The following DLG2 variants were observed in gnomAD, a reference collection of about 807,000 sequenced individuals.
DLG2 encodes disks large homolog 2.
In DLG2, 45 loss-of-function variants were observed where a neutral mutation model predicts 132.5. The observed-to-expected ratio is 0.34, with a 90% CI of 0.27 to 0.44. The LOEUF is 0.44. Among genes scored for constraint, DLG2 ranks in the 20% least tolerant of loss-of-function variants. DLG2 has a pLI of 1.00. For synonymous variants in DLG2, 424 were observed against 419.6 expected (o/e 1.01, Z -0.13); for missense variants, 1,045 against 1,196.9 (o/e 0.87, Z 1.87).
intron 4 of DLG2, among the ~76,000 whole-genome samples, chr11:85,184,348 CTTT>C (rs532066686): frequency 7.1e-6 from 1 of 141,700 alleles, no homozygotes. Context: ...AGAGATTTTC[CTTT>C]TTTTTTTTTT....
At chr11:84,596,348 C>T (rs953253834) in intron 6 of DLG2, among the ~76,000 whole-genome samples, 11 of 150,970 alleles carry the variant, frequency 7.3e-5, no homozygotes, top group African/African-American at 2.7e-4. Context: ...GTTGGGATTA[C>T]AGGTGTGTGT....
intron 14 of DLG2, among the ~76,000 whole-genome samples, chr11:83,959,800 C>G (rs2088007728): frequency 6.6e-6 from 1 of 151,962 alleles, no homozygotes; most frequent in African/African-American, 2.4e-5. Flanking sequence ...TTGCTGTATG[C>G]TATGAGGCAA....
At chr11:85,259,175 T>C (rs958839760) in intron 4 of DLG2, among the ~76,000 whole-genome samples, 1 of 152,158 alleles carries the variant, frequency 6.6e-6, no homozygotes, top group East Asian at 1.9e-4. Flanking sequence ...TGGTTTCTCA[T>C]GGTTCATCAC....
intron 11 of DLG2, among the ~76,000 whole-genome samples, chr11:84,049,159 A>C (rs2096301010): frequency 6.6e-6 from 1 of 151,780 alleles, no homozygotes; most frequent in South Asian, 2.1e-4. Flanking sequence ...TGATAAAGGA[A>C]ATGAGTATGA....
At chr11:85,269,076 T>C (rs772318446) in intron 4 of DLG2, among the ~76,000 whole-genome samples, 2 of 152,232 alleles carry the variant, frequency 1.3e-5, no homozygotes, top group Non-Finnish European at 2.9e-5. Context: ...TGCTAAAATA[T>C]CCCAGGAATG....
intron 6 of DLG2, among the ~76,000 whole-genome samples, chr11:84,733,144 G>A (rs976726098): frequency 2.6e-5 from 4 of 152,068 alleles, no homozygotes; most frequent in African/African-American, 9.7e-5. Flanking sequence ...ATAATCCTTT[G>A]GGTATATACC....
intron 7 of DLG2, among the ~76,000 whole-genome samples, chr11:84,295,467 C>A (rs4944478): frequency 6.6e-6 from 1 of 151,972 alleles, no homozygotes. Context: ...CTAATTTTCA[C>A]TGTATTCTCT....
At chr11:84,923,496 T>A (rs1352430660) in intron 6 of DLG2, 9 of 1,029,246 alleles carry the variant, frequency 8.7e-6, no homozygotes, top group Non-Finnish European at 1.1e-5. Flanking sequence ...GGTGAAGAAT[T>A]GAAATTTAAC....
At chr11:84,607,029 G>C (rs1035533276) in intron 6 of DLG2, among the ~76,000 whole-genome samples, 4 of 152,010 alleles carry the variant, frequency 2.6e-5, no homozygotes, top group Non-Finnish European at 5.9e-5. Context: ...CAGGATCCAA[G>C]GTCATCAAGA....
chr11:85,530,598 G>T (rs777415922), intron 3 of DLG2, among the ~76,000 whole-genome samples: 13 of 152,124 alleles, frequency 8.5e-5, no homozygotes, highest in South Asian at 2.1e-4. Flanking sequence ...TGGGATTACA[G>T]GTACGAGCCA....
chr11:85,595,934 A>G (rs1196330771), intron 3 of DLG2, among the ~76,000 whole-genome samples: 1 of 152,188 alleles, frequency 6.6e-6, no homozygotes, highest in Non-Finnish European at 1.5e-5. Context: ...AAGGACCACA[A>G]AAGGAAGACA....
At chr11:85,450,406 C>A (rs2092195804) in intron 3 of DLG2, among the ~76,000 whole-genome samples, 1 of 152,122 alleles carries the variant, frequency 6.6e-6, no homozygotes, top group Admixed American at 6.6e-5. Flanking sequence ...TCCTCCACTG[C>A]CTGGTCATTA....
At chr11:84,086,079 A>G (rs542137890) in intron 10 of DLG2, among the ~76,000 whole-genome samples, 21 of 152,312 alleles carry the variant, frequency 1.4e-4, no homozygotes, top group African/African-American at 4.8e-4. Flanking sequence ...TGCTTGTTTA[A>G]AGATTACTTA....
At chr11:83,923,452 C>T (rs12285761) in intron 15 of DLG2, among the ~76,000 whole-genome samples, 13,435 of 152,108 alleles carry the variant, frequency 0.088, 711 homozygotes, top group Middle Eastern at 0.2. Flanking sequence ...CTAGACAGTT[C>T]GGGCACAATC....
intron 18 of DLG2, among the ~76,000 whole-genome samples, chr11:83,771,051 G>T (rs938860886): frequency 6.6e-6 from 1 of 152,104 alleles, no homozygotes; most frequent in Non-Finnish European, 1.5e-5. Flanking sequence ...ACGTCCTTCT[G>T]TCTCCCACAC....
chr11:84,800,997 T>C (rs1453843651), intron 6 of DLG2, among the ~76,000 whole-genome samples: 2 of 152,182 alleles, frequency 1.3e-5, no homozygotes, highest in Admixed American at 6.5e-5. Context: ...GCATCTCAGC[T>C]GAGCAAGCCT....
At chr11:83,748,554 A>G (rs1426605451) in intron 18 of DLG2, among the ~76,000 whole-genome samples, 1 of 152,258 alleles carries the variant, frequency 6.6e-6, no homozygotes. Flanking sequence ...TACAGTGAGT[A>G]CATGACAATC....
At chr11:83,915,749 T>A (rs1184084698) in intron 15 of DLG2, among the ~76,000 whole-genome samples, 1 of 152,180 alleles carries the variant, frequency 6.6e-6, no homozygotes, top group Non-Finnish European at 1.5e-5. Flanking sequence ...TTACCTACAG[T>A]AAAATCACTT....
intron 19 of DLG2, among the ~76,000 whole-genome samples, chr11:83,585,942 A>G (rs2097077648): frequency 6.6e-6 from 1 of 152,234 alleles, no homozygotes; most frequent in Non-Finnish European, 1.5e-5. Flanking sequence ...GATAGAAGAA[A>G]TGAGAAAATG....
Sources: gnomAD v4.1 joint callset for allele counts (sites outside exome capture counted in the v4.1 genomes callset) on GRCh38, gnomAD v4.1.1 for gene constraint, MANE v1.5 for transcripts, NCBI Gene and HGNC (gene_info 2026-07-23, HGNC 2026-07-21) for gene names.